SPIDR: variants seen among roughly 807,000 people sequenced by gnomAD.
The protein encoded by SPIDR is DNA repair-scaffolding protein.
A neutral mutation model predicts 104.6 loss-of-function variants in SPIDR; 93 were observed. That is an observed-to-expected ratio of 0.89 (90% CI 0.75 to 1.06). SPIDR has a LOEUF of 1.06. Ranked by LOEUF, SPIDR falls within the 50% of genes least tolerant of loss-of-function variation. The probability of loss-of-function intolerance (pLI) is 0.00; values close to 1 mark genes in which losing one functional copy is unlikely to be tolerated. For missense variants in SPIDR, 1,154 were observed against 1,111.2 expected, an observed-to-expected ratio of 1.04 and a Z score of -0.55; for synonymous variants, 431 against 416.9, an observed-to-expected ratio of 1.03 and a Z score of -0.41.
At chr8:47,621,326 A>G (rs1001928778) in intron 10 of SPIDR, among the ~76,000 whole-genome samples, 1 of 152,180 alleles carries the variant, frequency 6.6e-6, no homozygotes, top group African/African-American at 2.4e-5. Context: ...AAATGTCTGG[A>G]TCATTCCATT....
At chr8:47,340,785 G>A (rs115410991) in intron 5 of SPIDR, among the ~76,000 whole-genome samples, 1,752 of 152,246 alleles carry the variant, frequency 0.012, 37 homozygotes, top group African/African-American at 0.04. Flanking sequence ...CCTGCATAAT[G>A]AAACTTAAAA....
chr8:47,623,536 G>A (rs1326726857), intron 10 of SPIDR, among the ~76,000 whole-genome samples: 1 of 152,118 alleles, frequency 6.6e-6, no homozygotes, highest in East Asian at 1.9e-4. Flanking sequence ...TGAAGGGATG[G>A]AGGAAGATCT....
intron 8 of SPIDR, among the ~76,000 whole-genome samples, chr8:47,576,755 CAG>C (rs2059175262): frequency 6.6e-6 from 1 of 152,202 alleles, no homozygotes; most frequent in Admixed American, 6.5e-5. Flanking sequence ...TTTTATAAAG[CAG>C]TCTAATGGAT....
rs542533385 is a variant in SPIDR at position 47,402,746 on chromosome 8, G to A, written c.777-5115G>A. Among the ~76,000 whole-genome samples, 7 of 152,164 alleles carry A rather than the reference G, an allele frequency of 4.6e-5. No individual in the cohort carries two copies. The East Asian group carries it at 7.7e-4, about 17-fold the overall frequency. ...AACAAAAAAAAGTCCAGGACCAGAC[G>A]GATTCACAGCCGAATTCTACCAGAA... On this transcript the variant is annotated intron_variant, in intron 6 of 19. Transcript: ENST00000297423.
chr8:47,571,090 CAA>C (rs78426227), intron 8 of SPIDR, among the ~76,000 whole-genome samples: 1 of 134,532 alleles, frequency 7.4e-6, no homozygotes, highest in Non-Finnish European at 1.6e-5. Context: ...GACTCTGTCT[CAA>C]AAAAAAAAAA....
At chr8:47,277,251 C>T (rs1554554579) in intron 1 of SPIDR, among the ~76,000 whole-genome samples, 2,741 of 151,488 alleles carry the variant, frequency 0.018, 82 homozygotes, top group African/African-American at 0.064. Context: ...GGGTATATAC[C>T]GAGCAGTGGC....
chr8:47,678,626 T>G (rs555221849), intron 11 of SPIDR, among the ~76,000 whole-genome samples: 1 of 152,056 alleles, frequency 6.6e-6, no homozygotes, highest in South Asian at 2.1e-4. Flanking sequence ...GGGTAAGATG[T>G]AGGAGCTCTG....
intron 5 of SPIDR, among the ~76,000 whole-genome samples, chr8:47,320,571 G>A (rs1435894788): frequency 6.6e-6 from 1 of 152,326 alleles, no homozygotes; most frequent in Admixed American, 6.5e-5. Flanking sequence ...AATAGAAAAA[G>A]AGGGAATCCT....
intron 10 of SPIDR, among the ~76,000 whole-genome samples, chr8:47,608,542 C>G (rs963106080): frequency 6.6e-6 from 1 of 152,146 alleles, no homozygotes; most frequent in Admixed American, 6.5e-5. Flanking sequence ...AGTGGCTACA[C>G]GATTTTACAT....
intron 8 of SPIDR, chr8:47,511,601 C>T (rs986512893): frequency 1.3e-6 from 1 of 786,792 alleles, no homozygotes; most frequent in African/African-American, 1.7e-5. Flanking sequence ...TTCAGTACTA[C>T]ATGAACATCT....
At chr8:47,601,977 A>C (rs1564446007) in intron 10 of SPIDR, among the ~76,000 whole-genome samples, 1 of 148,994 alleles carries the variant, frequency 6.7e-6, no homozygotes, top group Non-Finnish European at 1.5e-5. Context: ...ATATCAAATT[A>C]ATATAGAAGT....
At chr8:47,427,453 A>T (rs138654184) in intron 7 of SPIDR, among the ~76,000 whole-genome samples, 10 of 152,206 alleles carry the variant, frequency 6.6e-5, no homozygotes, top group Admixed American at 6.5e-4. Flanking sequence ...TAATACTTCT[A>T]TGTCAGGAAG....
At chr8:47,282,513 C>T (rs1266412157) in intron 2 of SPIDR, among the ~76,000 whole-genome samples, 2 of 152,236 alleles carry the variant, frequency 1.3e-5, no homozygotes, top group African/African-American at 4.8e-5. Context: ...GAACCAACCT[C>T]TGCTAGCTTC....
At chr8:47,702,116 C>T in intron 14 of SPIDR, 101 bp downstream of exon 14, 1 of 1,041,476 alleles carries the variant, frequency 9.6e-7, no homozygotes, top group Non-Finnish European at 1.4e-6. Flanking sequence ...CACACACACA[C>T]ACACACACAC....
At chr8:47,364,399 G>T (rs1554632932) in intron 5 of SPIDR, among the ~76,000 whole-genome samples, 1 of 152,122 alleles carries the variant, frequency 6.6e-6, no homozygotes, top group African/African-American at 2.4e-5. Context: ...GCCTAATTTG[G>T]GTCAAAAGTA....
intron 14 of SPIDR, among the ~76,000 whole-genome samples, chr8:47,708,848 G>A (rs1048264986): frequency 1.4e-4 from 22 of 152,076 alleles, no homozygotes; most frequent in African/African-American, 5.1e-4. Context: ...TAGATAGCTC[G>A]TTTCCTTTTG....
At chr8:47,373,618 T>C (rs1052396163) in intron 5 of SPIDR, among the ~76,000 whole-genome samples, 2 of 152,162 alleles carry the variant, frequency 1.3e-5, no homozygotes, top group African/African-American at 4.8e-5. Context: ...AAGTATATGC[T>C]CTAGCCATAT....
At chr8:47,478,635 T>C (rs1554725008) in intron 8 of SPIDR, among the ~76,000 whole-genome samples, 1 of 152,174 alleles carries the variant, frequency 6.6e-6, no homozygotes, top group Non-Finnish European at 1.5e-5. Flanking sequence ...ACACAGTCAC[T>C]GTGGTTTAAG....
Position 47,461,113 on chromosome 8 carries a change from C to T in SPIDR, c.1097+20571C>T, listed in dbSNP as rs1480766154. Among the ~76,000 whole-genome samples, 6 of 152,278 alleles carry T rather than the reference C, an allele frequency of 3.9e-5. No homozygotes were observed. In the East Asian group the frequency reaches 7.7e-4, roughly 20 times the overall value. On this transcript the variant is annotated intron_variant, in intron 8 of 19. Transcript: ENST00000297423. ...AGATTCTTCATTTTGACTTAGATAA[C>T]CTGATGACAGTATGCCTAGGCAATG...
Sources: allele counts gnomAD v4.1 joint callset (sites outside exome capture counted in the v4.1 genomes callset), GRCh38; gene constraint gnomAD v4.1.1; transcripts MANE v1.5; gene names NCBI Gene and HGNC (gene_info 2026-07-23, HGNC 2026-07-21).